ZDHHC11: variants seen among roughly 807,000 people sequenced by gnomAD.
ZDHHC11 encodes the protein zDHHC palmitoyltransferase 11.
A neutral mutation model predicts 51.3 loss-of-function variants in ZDHHC11; 44 were observed. That is an observed-to-expected ratio of 0.86 (90% CI 0.67 to 1.10). ZDHHC11 has a LOEUF of 1.10. Among genes scored for constraint, ZDHHC11 ranks in the 50% least tolerant of loss-of-function variants. ZDHHC11 has a pLI of 0.00. For missense variants in ZDHHC11, 400 were observed against 537.7 expected (o/e 0.74, Z 2.53); for synonymous variants, 163 against 222.0 (o/e 0.73, Z 2.36).
intron 1 of ZDHHC11, among the ~76,000 whole-genome samples, chr5:849,194 C>G (rs985279438): frequency 6.6e-6 from 1 of 152,186 alleles, no homozygotes; most frequent in Non-Finnish European, 1.5e-5. Context: ...CTGTGCCAGT[C>G]GGGGACCGGG....
chr5:852,014 C>T (rs777406516), upstream of ZDHHC11, among the ~76,000 whole-genome samples: 1 of 150,926 alleles, frequency 6.6e-6, no homozygotes, highest in Non-Finnish European at 1.5e-5. Context: ...CAAGATTGCA[C>T]CACTGCATTC....
rs1748474359 is a variant in ZDHHC11, at chr5:857,826, G to C, written c.-1+1048C>G. Among the ~76,000 whole-genome samples, 4 of 146,918 alleles carry C rather than the reference G, an allele frequency of 2.7e-5. No individual in the cohort carries two copies. In the South Asian group the frequency reaches 8.9e-4, roughly 33 times the overall value. On this transcript the variant is annotated intron_variant, in intron 1 of 3. Transcript: ENST00000685990. The stretch of plus-strand genomic sequence containing the variant: ...CACCGTGGTCCCCTGAGTCTGTCCA[G>C]GTCCCCATCCTGTCTTTATGACACC...
At chr5:856,211 C>T (rs1408971896) in intron 1 of ZDHHC11, among the ~76,000 whole-genome samples, 1 of 151,590 alleles carries the variant, frequency 6.6e-6, no homozygotes, top group Non-Finnish European at 1.5e-5. Flanking sequence ...CCACACAACA[C>T]AGACCACACT....
At chr5:800,086 C>G (rs1429134520) in intron 12 of ZDHHC11, among the ~76,000 whole-genome samples, 1 of 151,310 alleles carries the variant, frequency 6.6e-6, no homozygotes, top group Non-Finnish European at 1.5e-5. Context: ...TGAGTCCTAC[C>G]CTCTTGTCCT....
chr5:815,486 C>T (rs1232077995), intron 10 of ZDHHC11, among the ~76,000 whole-genome samples: 1 of 151,712 alleles, frequency 6.6e-6, no homozygotes, highest in Non-Finnish European at 1.5e-5. Flanking sequence ...AATGTGGCAT[C>T]ATCTTTCATC....
upstream of ZDHHC11, among the ~76,000 whole-genome samples, chr5:859,467 A>C (rs1748675589): frequency 6.6e-6 from 1 of 152,040 alleles, no homozygotes; most frequent in Non-Finnish European, 1.5e-5. Context: ...AAAACACCTA[A>C]AACCCCTACA....
intron 3 of ZDHHC11, among the ~76,000 whole-genome samples, chr5:845,035 A>G (rs1450689735): frequency 1.3e-5 from 2 of 152,296 alleles, no homozygotes; most frequent in African/African-American, 4.8e-5. Context: ...TCTATTTTCA[A>G]CTGGAGGCCA....
intron 5 of ZDHHC11, chr5:839,830 T>C (rs1201710714): frequency 8.3e-6 from 2 of 240,404 alleles, no homozygotes; most frequent in African/African-American, 2.3e-5. Flanking sequence ...AGAAACCCCC[T>C]GAGAGGCCAC....
chr5:805,883 G>A lies in ZDHHC11; in HGVS notation c.1182-4719C>T, dbSNP rs143730640. The stretch of plus-strand genomic sequence containing the variant: ...TATGGAGGGTCCCAGGGGCAAGGGT[G>A]AGGAGCGAGGATGGGGGTGGGATGT... On this transcript the variant is annotated intron_variant, in intron 11 of 12. Coordinates refer to ENST00000283441, the MANE Select transcript of ZDHHC11 (RefSeq NM_024786.3). Among the ~76,000 whole-genome samples the A allele has an allele frequency of 7.4e-4, 112 of 151,330 alleles. 1 individual carries two copies. The highest frequency in any genetic ancestry group is 2.6e-3 in the African/African-American group (106 of 41,252).
At chr5:815,408 G>T (rs1260310676) in intron 10 of ZDHHC11, among the ~76,000 whole-genome samples, 2 of 151,204 alleles carry the variant, frequency 1.3e-5, no homozygotes, top group Non-Finnish European at 3.0e-5. Flanking sequence ...TAAGAACCTG[G>T]GAGTGGGAGT....
rs763912017 is a variant in ZDHHC11, at chr5:837,406, T to C, written c.859A>G (p.Arg287Gly). 6.2e-7 allele frequency: 1 copy of C among 1,613,492 alleles called. No homozygotes were observed. The highest frequency in any genetic ancestry group is 1.7e-5 in the Admixed American group (1 of 60,020). The stretch of plus-strand genomic sequence containing the variant: ...TCCATTTGCACGTATGGATCTTTCC[T>C]CACTGCTTGATGTTTTGAACTCTCT... ...KEESSKHQAV[R>G]KDPYVQMDKG... is the part of the protein sequence containing the mutation. The change falls in exon 6 of 13, where the codon AGG (arginine) becomes GGG (glycine). Residue 287 changes from arginine to glycine, a missense_variant. Around this residue, in one of 5 missense-constraint regions of ZDHHC11, gnomAD observed 231 missense variants for 227.4 expected, o/e 1.02. Coordinates refer to ENST00000283441, the MANE Select transcript of ZDHHC11 (RefSeq NM_024786.3).
chr5:819,214 G>GC, intron 10 of ZDHHC11, among the ~76,000 whole-genome samples: 1 of 151,660 alleles, frequency 6.6e-6, no homozygotes, highest in Admixed American at 6.6e-5. Context: ...GTCCCTCACT[G>GC]CATGTTCTGG....
intron 11 of ZDHHC11, among the ~76,000 whole-genome samples, chr5:802,649 G>A (rs1201033719): frequency 3.8e-4 from 57 of 150,042 alleles, no homozygotes; most frequent in African/African-American, 1.3e-3. Context: ...TCTGCAACCT[G>A]GTCAGACATC....
chr5:845,068 C>T (rs1394335639), intron 3 of ZDHHC11, among the ~76,000 whole-genome samples: 7 of 152,296 alleles, frequency 4.6e-5, no homozygotes, highest in Admixed American at 2.0e-4. Flanking sequence ...CGCAGTCCTC[C>T]GAAGAGGCAG....
At chr5:801,733 C>T (rs1417627387) in intron 11 of ZDHHC11, among the ~76,000 whole-genome samples, 4 of 151,174 alleles carry the variant, frequency 2.6e-5, no homozygotes, top group African/African-American at 7.3e-5. Flanking sequence ...GGTTGGAGAT[C>T]GGGCTTAACT....
chr5:830,963 T>C (rs1742996190), intron 7 of ZDHHC11, among the ~76,000 whole-genome samples: 1 of 151,956 alleles, frequency 6.6e-6, no homozygotes, highest in Non-Finnish European at 1.5e-5. Context: ...TCACACCTTT[T>C]ACAAACATCA....
chr5:800,796 G>A (rs942358890), intron 12 of ZDHHC11, among the ~76,000 whole-genome samples: 16 of 151,226 alleles, frequency 1.1e-4, no homozygotes, highest in Admixed American at 8.6e-4. Flanking sequence ...AGTACAATTG[G>A]GTGAAAATAA....
chr5:817,538 T>G (rs1304398857), intron 10 of ZDHHC11, among the ~76,000 whole-genome samples: 2 of 151,458 alleles, frequency 1.3e-5, no homozygotes, highest in African/African-American at 2.4e-5. Context: ...ACCTTCTGCC[T>G]GTTACGTTTT....
At chr5:847,041 G>A (rs1746337667) in intron 3 of ZDHHC11, among the ~76,000 whole-genome samples, 1 of 140,292 alleles carries the variant, frequency 7.1e-6, no homozygotes, top group Non-Finnish European at 1.5e-5. Flanking sequence ...CGTGCTCAGG[G>A]GAAACACCTC....
Sources: allele counts gnomAD v4.1 joint callset (sites outside exome capture counted in the v4.1 genomes callset), GRCh38; gene constraint gnomAD v4.1.1; regional missense constraint gnomAD v4.1.1; transcripts MANE v1.5; gene names NCBI Gene and HGNC (gene_info 2026-07-23, HGNC 2026-07-21).